NTRK3: variants seen among roughly 807,000 people sequenced by gnomAD.
The protein encoded by NTRK3 is NT-3 growth factor receptor.
In NTRK3, 24 loss-of-function variants were observed where a neutral mutation model predicts 91.7. The observed-to-expected ratio is 0.26, with a 90% CI of 0.19 to 0.37. NTRK3 has a LOEUF of 0.37. NTRK3 is among the 10% of genes least tolerant of loss of function. NTRK3 has a pLI of 1.00. For synonymous variants in NTRK3, 483 were observed against 404.0 expected (o/e 1.20, Z -2.34); for missense variants, 880 against 1,068.9 (o/e 0.82, Z 2.46).
At chr15:87,882,140 C>T (rs1355597124) in intron 17 of NTRK3, among the ~76,000 whole-genome samples, 6 of 152,148 alleles carry the variant, frequency 3.9e-5, no homozygotes, top group African/African-American at 1.2e-4. Context: ...AAGTTATACA[C>T]CCACCTTGGC....
chr15:88,207,270 G>A (rs908509729), intron 3 of NTRK3, among the ~76,000 whole-genome samples: 2 of 152,152 alleles, frequency 1.3e-5, no homozygotes, highest in Admixed American at 1.3e-4. Context: ...GCACTGCGGG[G>A]ATAGTTGTCC....
chr15:87,921,444 G>C (rs2067862333), intron 17 of NTRK3, among the ~76,000 whole-genome samples: 1 of 152,136 alleles, frequency 6.6e-6, no homozygotes, highest in Non-Finnish European at 1.5e-5. Context: ...AGTATGCCTA[G>C]CTGCTAATCC....
At chr15:88,075,943 A>C (rs1158335330) in intron 13 of NTRK3, among the ~76,000 whole-genome samples, 1 of 152,242 alleles carries the variant, frequency 6.6e-6, no homozygotes, top group Non-Finnish European at 1.5e-5. Context: ...GTGAAGCACT[A>C]AACTCAGAGC....
At chr15:88,009,620 T>C (rs562161724) in intron 14 of NTRK3, among the ~76,000 whole-genome samples, 36 of 152,212 alleles carry the variant, frequency 2.4e-4, no homozygotes, top group Non-Finnish European at 4.4e-4. Context: ...CACACCCCTA[T>C]AGGGTGCACA....
At chr15:88,152,803 G>C (rs1043717764) in intron 5 of NTRK3, among the ~76,000 whole-genome samples, 2 of 152,198 alleles carry the variant, frequency 1.3e-5, no homozygotes, top group Non-Finnish European at 2.9e-5. Flanking sequence ...CAGGGAACCA[G>C]CCTCCCAATC....
intron 14 of NTRK3, among the ~76,000 whole-genome samples, chr15:87,954,007 A>AGTGTGTGTGTGTGTGTGT (rs61653896): frequency 9.4e-5 from 12 of 127,636 alleles, no homozygotes; most frequent in African/African-American, 3.5e-4. Flanking sequence ...AGACCTTTTC[A>AGTGTGTGTGTGTGTGTGT]GTGTGTGTGT....
chr15:87,919,388 G>A (rs1053419209), intron 17 of NTRK3, among the ~76,000 whole-genome samples: 2 of 152,128 alleles, frequency 1.3e-5, no homozygotes, highest in African/African-American at 2.4e-5. Context: ...GTTAGAGCCC[G>A]GTTCTTTGCA....
At chr15:87,952,606 C>T (rs548633218) in intron 14 of NTRK3, among the ~76,000 whole-genome samples, 8 of 152,280 alleles carry the variant, frequency 5.3e-5, no homozygotes, top group African/African-American at 7.2e-5. Flanking sequence ...TTATCTTGGC[C>T]GCCGGCTCAC....
chr15:87,872,051 C>T (rs1194037696), exon 19 of NTRK3: 2 of 221,490 alleles, frequency 9.0e-6, no homozygotes, highest in East Asian at 6.6e-5. Flanking sequence ...CACCCAAGCC[C>T]GGAACTAAAT....
At chr15:88,184,028 C>A (rs1272618408) in intron 4 of NTRK3, among the ~76,000 whole-genome samples, 197 bp downstream of exon 4, 8 of 152,168 alleles carry the variant, frequency 5.3e-5, no homozygotes, top group Non-Finnish European at 1.0e-4. Flanking sequence ...TAGGGTGAGA[C>A]AAAGGGGTGT....
intron 3 of NTRK3, among the ~76,000 whole-genome samples, chr15:88,219,132 A>G (rs558640950): frequency 6.6e-6 from 1 of 152,370 alleles, no homozygotes; most frequent in South Asian, 2.1e-4. Context: ...AGGCAGACCT[A>G]CATGTGCAGG....
chr15:88,118,206 C>T (rs574209973), intron 13 of NTRK3, among the ~76,000 whole-genome samples: 1 of 152,312 alleles, frequency 6.6e-6, no homozygotes, highest in South Asian at 2.1e-4. Flanking sequence ...TCCTAAAGCC[C>T]TCTGCAGAGT....
chr15:87,893,371 G>C (rs1051572478), intron 17 of NTRK3, among the ~76,000 whole-genome samples: 2 of 152,178 alleles, frequency 1.3e-5, no homozygotes, highest in African/African-American at 2.4e-5. Context: ...GAAATAAGTG[G>C]TGCAGAAGGT....
chr15:87,965,214 T>C (rs2072677473), intron 14 of NTRK3, among the ~76,000 whole-genome samples: 1 of 152,256 alleles, frequency 6.6e-6, no homozygotes, highest in Non-Finnish European at 1.5e-5. Flanking sequence ...GGATAATTTA[T>C]GTGTTTGTGT....
At chr15:88,112,282 C>T (rs547592918) in intron 13 of NTRK3, among the ~76,000 whole-genome samples, 1 of 152,310 alleles carries the variant, frequency 6.6e-6, no homozygotes, top group East Asian at 1.9e-4. Flanking sequence ...ATGTAATAAA[C>T]CAACATGTCA....
chr15:88,205,653 A>T (rs1182452750), intron 3 of NTRK3, among the ~76,000 whole-genome samples: 1 of 152,190 alleles, frequency 6.6e-6, no homozygotes, highest in African/African-American at 2.4e-5. Context: ...CTAAGCCCCC[A>T]AAACGGTGAC....
In NTRK3 at chr15:88,240,464, GC is replaced by G. The variant is rs1004931122; in HGVS notation, c.248+15441del. ...TCTCAAACTCCACTGAGTCCCAAGG[GC>G]CCCTTCTACCCCACCCTCCTTACCA... is the stretch of plus-strand genomic sequence containing the variant. On this transcript the variant is annotated intron_variant, in intron 3 of 18. Transcript: ENST00000394480. This position sits in a 1 kb window ranked among gnomAD's most constrained non-coding sequence, Gnocchi z 4.9. Among the ~76,000 whole-genome samples, 7 of 152,094 alleles carry G rather than the reference GC, an allele frequency of 4.6e-5. No homozygotes were observed. The highest frequency in any genetic ancestry group is 1.7e-4 in the African/African-American group (7 of 41,394).
intron 14 of NTRK3, among the ~76,000 whole-genome samples, chr15:87,972,822 T>C (rs373457593): frequency 6.6e-6 from 1 of 152,246 alleles, no homozygotes; most frequent in East Asian, 1.9e-4. Context: ...CCTGCCGTTT[T>C]CCTCTACCTC....
rs60187446 is a variant in NTRK3 at position 88,236,514 on chromosome 15, TAAAAAAAAAAA to T, written c.248+19381_248+19391del. Among the ~76,000 whole-genome samples the T allele has an allele frequency of 3.4e-3, 182 of 53,782 alleles. 1 individual carries two copies. The highest frequency in any genetic ancestry group is 0.011 in the Admixed American group (47 of 4,148). 35.3% of individuals were successfully genotyped at this position (53,782 alleles called of 152,430 possible). A position where few individuals can be genotyped will look rare whatever the true frequency, so the allele number is the denominator to read the frequency against. Reference sequence around the variant, plus strand: ...AAAGTGAGACTCCAGCCTCTATTATTAAAAAAAAAAAAAAAAAAAAAAAAATTGTAAAAAAG... The same window carrying T: ...AAAGTGAGACTCCAGCCTCTATTATTAAAAAAAAAAAAAATTGTAAAAAAG... On this transcript the variant is annotated intron_variant, in intron 3 of 18. Transcript: ENST00000394480.
Sources: gnomAD v4.1 joint callset for allele counts (sites outside exome capture counted in the v4.1 genomes callset) on GRCh38, gnomAD v4.1.1 for gene constraint, Gnocchi (gnomAD v3.1) non-coding constraint, MANE v1.5 for transcripts, NCBI Gene and HGNC (gene_info 2026-07-23, HGNC 2026-07-21) for gene names.